EBF1: variants seen among roughly 807,000 people sequenced by gnomAD.
The protein encoded by EBF1 is EBF transcription factor 1, also known as transcription factor COE1.
In EBF1, 10 loss-of-function variants were observed where a neutral mutation model predicts 68.4. That is an observed-to-expected ratio of 0.15 (90% CI 0.09 to 0.25). The LOEUF is 0.25. Among genes scored for constraint, EBF1 ranks in the 10% least tolerant of loss-of-function variants. EBF1 has a pLI of 1.00. For missense variants in EBF1, 509 were observed against 794.4 expected (o/e 0.64, Z 4.32); for synonymous variants, 298 against 299.8 (o/e 0.99, Z 0.06).
intron 6 of EBF1, among the ~76,000 whole-genome samples, chr5:158,956,980 G>T (rs764085697): frequency 6.6e-6 from 1 of 152,038 alleles, no homozygotes; most frequent in African/African-American, 2.4e-5. Flanking sequence ...AGATGGTCTC[G>T]ATCTCCTGAC....
intron 4 of EBF1, among the ~76,000 whole-genome samples, chr5:159,094,426 C>T (rs1292451152): frequency 6.6e-6 from 1 of 151,864 alleles, no homozygotes; most frequent in Non-Finnish European, 1.5e-5. Flanking sequence ...TGTGTCATAT[C>T]GAAATATGAA....
chr5:159,098,191 G>C (rs955478190), intron 1 of EBF1, among the ~76,000 whole-genome samples: 2 of 152,364 alleles, frequency 1.3e-5, no homozygotes, highest in South Asian at 2.1e-4. Context: ...AAGCTCAGCT[G>C]GTGGCTTAAT....
At chr5:158,731,004 G>A in intron 11 of EBF1, 65 bp downstream of exon 11, 2 of 1,463,210 alleles carry the variant, frequency 1.4e-6, no homozygotes, top group East Asian at 4.6e-5. Context: ...TTTATCAGCA[G>A]CAGAGTTTTC....
intron 6 of EBF1, among the ~76,000 whole-genome samples, chr5:159,051,852 T>A (rs1773815254): frequency 6.6e-6 from 1 of 152,072 alleles, no homozygotes; most frequent in South Asian, 2.1e-4. Context: ...TGGGAGAAAG[T>A]CATCTCGGCC....
intron 5 of EBF1, among the ~76,000 whole-genome samples, chr5:159,078,893 C>A (rs1296966683): frequency 6.6e-6 from 1 of 152,182 alleles, no homozygotes; most frequent in East Asian, 1.9e-4. Flanking sequence ...TAAACTAGAG[C>A]AAGAAACACC....
chr5:158,881,018 GA>G (rs948193077), intron 6 of EBF1, among the ~76,000 whole-genome samples: 11 of 150,234 alleles, frequency 7.3e-5, no homozygotes, highest in African/African-American at 2.0e-4. Context: ...AAGAAGAGGG[GA>G]AAAAAAAACA....
intron 7 of EBF1, among the ~76,000 whole-genome samples, chr5:158,830,648 C>A (rs770898165): frequency 6.6e-6 from 1 of 152,112 alleles, no homozygotes; most frequent in African/African-American, 2.4e-5. Context: ...ATCTATGGTG[C>A]CTGTGTGACC....
At chr5:158,821,804 G>C (rs1784881917) in intron 8 of EBF1, among the ~76,000 whole-genome samples, 1 of 152,172 alleles carries the variant, frequency 6.6e-6, no homozygotes, top group African/African-American at 2.4e-5. Context: ...CCTGCAAAAT[G>C]TAATATCCAT....
chr5:159,004,277 C>CA lies in EBF1; in HGVS notation c.554+69118dup, dbSNP rs34981790. ...GGTGACAAGAGCGAGACTCCATCTC[C>CA]AAAAAAAAAAAAAAAAACTGCTTCT... is the stretch of plus-strand genomic sequence containing the variant. On this transcript the variant is annotated intron_variant, in intron 6 of 15. Coordinates refer to ENST00000313708, the MANE Select transcript of EBF1 (RefSeq NM_024007.5). Among the ~76,000 whole-genome samples the CA allele has an allele frequency of 7.6e-3, 914 of 120,546 alleles. 3 individuals carry two copies. The highest frequency in any genetic ancestry group is 9.7e-3 in the Non-Finnish European group (567 of 58,250). 79.1% of individuals were successfully genotyped at this position (120,546 alleles called of 152,430 possible).
intron 6 of EBF1, among the ~76,000 whole-genome samples, chr5:158,889,071 GACTTGTAAC>G (rs1562226185): frequency 2.0e-5 from 3 of 152,060 alleles, no homozygotes; most frequent in Admixed American, 2.0e-4. Context: ...CACTGAGAAA[GACTTGTAAC>G]ACTTGTAACA....
intron 6 of EBF1, among the ~76,000 whole-genome samples, chr5:159,008,780 GC>G (rs1764075777): frequency 6.6e-6 from 1 of 152,062 alleles, no homozygotes; most frequent in African/African-American, 2.4e-5. Flanking sequence ...GACGTGATTC[GC>G]CCACCTTGGC....
intron 9 of EBF1, among the ~76,000 whole-genome samples, chr5:158,794,656 G>T (rs1049701112): frequency 2.8e-4 from 42 of 152,258 alleles, no homozygotes; most frequent in African/African-American, 1.0e-3. Context: ...CAAGGAGTCC[G>T]TATTATATTT....
intron 11 of EBF1, among the ~76,000 whole-genome samples, chr5:158,727,812 C>T (rs1763298944): frequency 6.6e-6 from 1 of 152,156 alleles, no homozygotes; most frequent in Non-Finnish European, 1.5e-5. Context: ...TCCAATAAAA[C>T]AAAGCACGTC....
intron 5 of EBF1, among the ~76,000 whole-genome samples, chr5:159,082,379 A>C (rs1321522884): frequency 6.6e-6 from 1 of 152,238 alleles, no homozygotes; most frequent in Non-Finnish European, 1.5e-5. Context: ...TCATGTCTGC[A>C]ATGAAGAAAT....
chr5:158,994,232 A>T (rs34569927), intron 6 of EBF1, among the ~76,000 whole-genome samples: 14 of 152,098 alleles, frequency 9.2e-5, no homozygotes, highest in Non-Finnish European at 1.9e-4. Context: ...GGAAAGACAA[A>T]GGGGAAACTC....
chr5:158,705,603 T>C (rs1370693220), intron 15 of EBF1, among the ~76,000 whole-genome samples: 1 of 152,218 alleles, frequency 6.6e-6, no homozygotes, highest in Non-Finnish European at 1.5e-5. Context: ...TTTGTATATA[T>C]CCCTGTCCTG....
chr5:158,844,224 G>A (rs180726311), intron 6 of EBF1, among the ~76,000 whole-genome samples: 2 of 150,146 alleles, frequency 1.3e-5, no homozygotes, highest in Non-Finnish European at 3.0e-5. Flanking sequence ...AAGGAAGGAG[G>A]TAACGAGAAA....
intron 5 of EBF1, among the ~76,000 whole-genome samples, chr5:159,074,628 G>A (rs553001579): frequency 7.2e-5 from 11 of 152,318 alleles, no homozygotes; most frequent in East Asian, 3.9e-4. Flanking sequence ...ATACTCCTGC[G>A]TAGGGAGTCC....
intron 6 of EBF1, among the ~76,000 whole-genome samples, chr5:159,045,561 G>T (rs1772209966): frequency 6.6e-6 from 1 of 151,990 alleles, no homozygotes; most frequent in Non-Finnish European, 1.5e-5. Context: ...CCAGGGTGAG[G>T]GGTGCTTCCT....
Sources: allele counts gnomAD v4.1 joint callset (sites outside exome capture counted in the v4.1 genomes callset), GRCh38; gene constraint gnomAD v4.1.1; transcripts MANE v1.5; gene names NCBI Gene and HGNC (gene_info 2026-07-23, HGNC 2026-07-21).